The following LIPC variants were observed in gnomAD, a reference collection of about 807,000 sequenced individuals.
The protein encoded by LIPC is hepatic triacylglycerol lipase.
In LIPC, 44 loss-of-function variants were observed where a neutral mutation model predicts 50.7. The observed-to-expected ratio is 0.87, with a 90% confidence interval of 0.68 to 1.11. LIPC has a LOEUF of 1.11. Among genes scored for constraint, LIPC ranks in the 50% most tolerant of loss-of-function variants. The pLI, the probability that LIPC is intolerant of heterozygous loss-of-function variation, is 0.00. For missense variants in LIPC, 697 were observed against 648.2 expected (o/e 1.08, Z -0.82); for synonymous variants, 271 against 256.4 (o/e 1.06, Z -0.54).
rs1050097404 is a variant in LIPC at position 58,514,213 on chromosome 15, G to C, written c.89-24120G>C. 2.6e-5 allele frequency among the ~76,000 whole-genome samples: 4 copies of C among 152,216 alleles called. No homozygotes were observed. In the East Asian group the frequency reaches 7.7e-4, roughly 29 times the overall value. The stretch of plus-strand genomic sequence containing the variant: ...ACTTTCTAGCTGTGTGGCTGAGCAC[G>C]CTTCTCGCCCTTTCTAAGTCTTGGC... On this transcript the variant is annotated intron_variant, in intron 1 of 8. Coordinates refer to ENST00000299022, the MANE Select transcript of LIPC (RefSeq NM_000236.3).
chr15:58,474,168 G>A (rs983106975), intron 1 of LIPC, among the ~76,000 whole-genome samples: 12 of 152,114 alleles, frequency 7.9e-5, no homozygotes, highest in African/African-American at 2.2e-4. Context: ...AAGAGGGGAC[G>A]GTTTCTTCAG....
At chr15:58,478,041 C>G (rs1401070751) in intron 1 of LIPC, among the ~76,000 whole-genome samples, 1 of 152,128 alleles carries the variant, frequency 6.6e-6, no homozygotes, top group East Asian at 1.9e-4. Context: ...CAGCTCCTAC[C>G]CCAGAAATGC....
At chr15:58,497,066 C>G (rs74425284) in intron 1 of LIPC, among the ~76,000 whole-genome samples, 1,938 of 152,308 alleles carry the variant, frequency 0.013, 50 homozygotes, top group African/African-American at 0.045. Context: ...GTAACTGGTT[C>G]CTTGGAGGTG....
intron 1 of LIPC, among the ~76,000 whole-genome samples, chr15:58,443,705 AGGCTTTG>A (rs1457833955): frequency 6.6e-6 from 1 of 152,218 alleles, no homozygotes; most frequent in Non-Finnish European, 1.5e-5. Context: ...ACCACCAAGC[AGGCTTTG>A]TGTGAGCAAC....
intron 1 of LIPC, among the ~76,000 whole-genome samples, chr15:58,455,984 G>T (rs1349553090): frequency 6.6e-6 from 1 of 152,100 alleles, no homozygotes; most frequent in Non-Finnish European, 1.5e-5. Flanking sequence ...CCCAAGGAAG[G>T]GAAGGGGGTC....
chr15:58,559,241 A>G (rs1566951543), intron 6 of LIPC, among the ~76,000 whole-genome samples: 1 of 152,226 alleles, frequency 6.6e-6, no homozygotes, highest in Non-Finnish European at 1.5e-5. Flanking sequence ...CTTGAAACTC[A>G]GGTCTTGAAT....
chr15:58,478,531 C>A (rs867990088), intron 1 of LIPC, among the ~76,000 whole-genome samples: 2 of 152,154 alleles, frequency 1.3e-5, no homozygotes, highest in African/African-American at 2.4e-5. Flanking sequence ...TGAGCCACTG[C>A]GCCCAGCCAG....
At chr15:58,441,120 G>T (rs1187273786) in intron 1 of LIPC, among the ~76,000 whole-genome samples, 4 of 152,210 alleles carry the variant, frequency 2.6e-5, no homozygotes, top group Admixed American at 2.6e-4. Flanking sequence ...GGCAAGGGCA[G>T]GGGTGGGGCC....
chr15:58,515,246 A>G (rs1186407567), intron 1 of LIPC, among the ~76,000 whole-genome samples: 2 of 152,146 alleles, frequency 1.3e-5, no homozygotes, highest in African/African-American at 4.8e-5. Flanking sequence ...ATAAGGTAAC[A>G]TATTCTAGGT....
chr15:58,469,145 C>T (rs1157720737), intron 1 of LIPC, among the ~76,000 whole-genome samples: 3 of 72,232 alleles, frequency 4.2e-5, no homozygotes, highest in East Asian at 8.9e-4. Flanking sequence ...TGTGTGTGTA[C>T]GCCTTAAGAG....
chr15:58,506,983 G>T (rs533880053), intron 1 of LIPC, among the ~76,000 whole-genome samples: 1 of 152,232 alleles, frequency 6.6e-6, no homozygotes, highest in African/African-American at 2.4e-5. Context: ...AATGCCCAGC[G>T]AAGGGGTAGG....
At chr15:58,496,236 G>A (rs548767381) in intron 1 of LIPC, among the ~76,000 whole-genome samples, 53 of 152,278 alleles carry the variant, frequency 3.5e-4, no homozygotes, top group African/African-American at 1.2e-3. Context: ...TGAGAAGCCA[G>A]GGGTGCTGTT....
intron 1 of LIPC, among the ~76,000 whole-genome samples, chr15:58,491,418 T>C (rs1168512197): frequency 1.3e-5 from 2 of 152,216 alleles, no homozygotes; most frequent in Admixed American, 6.5e-5. Flanking sequence ...GGAATAATTA[T>C]AATACTATCT....
At chr15:58,479,841 T>G (rs1027408349) in intron 1 of LIPC, among the ~76,000 whole-genome samples, 1 of 152,168 alleles carries the variant, frequency 6.6e-6, no homozygotes, top group African/African-American at 2.4e-5. Flanking sequence ...GGACAAAAAT[T>G]AGAGTCATAA....
intron 1 of LIPC, among the ~76,000 whole-genome samples, chr15:58,482,688 A>G (rs771103414): frequency 1.3e-5 from 2 of 152,168 alleles, no homozygotes; most frequent in Non-Finnish European, 2.9e-5. Flanking sequence ...AGACCCCTGG[A>G]TGTCCCCCTA....
At chr15:58,567,230 T>C (rs1170877747) in intron 8 of LIPC, among the ~76,000 whole-genome samples, 1 of 141,544 alleles carries the variant, frequency 7.1e-6, no homozygotes, top group Non-Finnish European at 1.5e-5. Flanking sequence ...TATATATATA[T>C]GTATATATGT....
At chr15:58,517,980 C>G (rs1225478406) in intron 1 of LIPC, among the ~76,000 whole-genome samples, 1 of 152,204 alleles carries the variant, frequency 6.6e-6, no homozygotes, top group Non-Finnish European at 1.5e-5. Context: ...GTCAAGAGCT[C>G]TATTCATTCC....
At chr15:58,448,311 G>T (rs1234744262) in intron 1 of LIPC, among the ~76,000 whole-genome samples, 1 of 152,204 alleles carries the variant, frequency 6.6e-6, no homozygotes, top group Non-Finnish European at 1.5e-5. Flanking sequence ...CATCAAGCCA[G>T]GTGAAGGCAA....
intron 1 of LIPC, among the ~76,000 whole-genome samples, chr15:58,488,361 T>C (rs1189531672): frequency 6.6e-6 from 1 of 152,206 alleles, no homozygotes; most frequent in Admixed American, 6.5e-5. Context: ...CTGAACTACA[T>C]GGAGGCACAT....
Sources: allele counts gnomAD v4.1 joint callset (sites outside exome capture counted in the v4.1 genomes callset), GRCh38; gene constraint gnomAD v4.1.1; transcripts MANE v1.5; gene names NCBI Gene and HGNC (gene_info 2026-07-23, HGNC 2026-07-21).